WASHC5: variants seen among roughly 807,000 people sequenced by gnomAD.
WASHC5 encodes WASH complex subunit 5.
In WASHC5, 101 loss-of-function variants were observed where a neutral mutation model predicts 150.4. The observed-to-expected ratio is 0.67, with a 90% CI of 0.57 to 0.79. The LOEUF (loss-of-function observed/expected upper bound fraction) is 0.79. WASHC5 is among the 30% of genes least tolerant of loss of function. The probability of loss-of-function intolerance (pLI) is 0.00; values close to 1 mark genes in which losing one functional copy is unlikely to be tolerated. For missense variants in WASHC5, 1,195 were observed against 1,396.3 expected, an observed-to-expected ratio of 0.86 and a Z score of 2.30; for synonymous variants, 467 against 491.2, an observed-to-expected ratio of 0.95 and a Z score of 0.65.
At position 125,039,895 on chromosome 8, in the gene WASHC5, C is replaced by T; in HGVS notation, c.2854G>A (p.Gly952Arg). ...TAYLEAIMKV[G>R]QMQILRQQIA... ...TGTTGTCTCAGAATCTGCATCTGCC[C>T]AACCTGTGCACAAGCAAGAGAAAGA... Residue 952 changes from glycine to arginine, a missense_variant, in exon 24 of 29, where the codon GGG (glycine) becomes AGG (arginine). This residue lies in a region of WASHC5 where 997 missense variants were observed against 1,168.1 expected (regional missense o/e 0.85). Coordinates refer to ENST00000318410, the MANE Select transcript of WASHC5 (RefSeq NM_014846.4). 6.2e-7 allele frequency: 1 copy of T among 1,608,334 alleles called. No individual in the cohort carries two copies. The highest frequency in any genetic ancestry group is 8.5e-7 in the Non-Finnish European group (1 of 1,175,424).
At chr8:125,035,099 T>A (rs1815660399) in intron 26 of WASHC5, among the ~76,000 whole-genome samples, 1 of 152,240 alleles carries the variant, frequency 6.6e-6, no homozygotes, top group African/African-American at 2.4e-5. Context: ...TATGAGCAAC[T>A]GAATACCCAC....
intron 1 of WASHC5, among the ~76,000 whole-genome samples, chr8:125,087,478 T>C (rs1400077150): frequency 6.6e-6 from 1 of 152,156 alleles, no homozygotes; most frequent in Non-Finnish European, 1.5e-5. Context: ...CCTGTAATCC[T>C]AGTACTTTAG....
At position 125,032,258 on chromosome 8, in the gene WASHC5, C is replaced by T. The variant is rs777119395; in HGVS notation, c.3318G>A (p.Thr1106=). 26 of 1,613,916 alleles carry T rather than the reference C, an allele frequency of 1.6e-5. No individual in the cohort carries two copies. Among genetic ancestry groups the T allele is most frequent in the South Asian group, 8.8e-5 (8 of 91,074 alleles). The stretch of plus-strand genomic sequence containing the variant: ...TTCTGTACCTTGTACACTGCTCCAC[C>T]GTGGAGCAGATAAACTGGCCAATCA... The part of the protein sequence containing the change: ...LALIGQFICS[T]VEQCTSQKIP... Residue 1106 remains threonine, a synonymous_variant, in exon 27 of 29, where the codon ACG becomes ACA. Transcript: ENST00000318410.
intron 28 of WASHC5, among the ~76,000 whole-genome samples, chr8:125,025,954 C>T (rs1815370805): frequency 6.6e-6 from 1 of 152,032 alleles, no homozygotes; most frequent in Admixed American, 6.6e-5. Flanking sequence ...TAAACCTTTG[C>T]ACATATATCC....
chr8:125,084,024 T>C lies in WASHC5; in HGVS notation c.-124-2A>G. 1 of 863,376 alleles carries C rather than the reference T, an allele frequency of 1.2e-6. No homozygotes were observed. Among genetic ancestry groups the C allele is most frequent in the Non-Finnish European group, 1.9e-6 (1 of 532,888 alleles). The allele number at this position is 863,376 out of a possible 1,614,324, so 53.5% of individuals were successfully genotyped here. ...AGATTGGCTCCTCCATTAAAGAACC[T>C]GTATCCCCAAAAAAAGTGTGAAAAT... On this transcript the variant is annotated splice_acceptor_variant, in intron 1 of 28. Coordinates refer to ENST00000318410, the MANE Select transcript of WASHC5 (RefSeq NM_014846.4). LOFTEE classifies it low-confidence loss of function (5UTR_SPLICE).
chr8:125,042,495 T>G lies in WASHC5; in HGVS notation c.2850+1330A>C, dbSNP rs74864205. Among the ~76,000 whole-genome samples, 727 of 152,236 alleles carry G rather than the reference T, an allele frequency of 4.8e-3. 8 individuals carry two copies. The highest frequency in any genetic ancestry group is 0.017 in the African/African-American group (708 of 41,536). ...AAGACAAATTTGTCCTTTGGGGCTT[T>G]ATTTAAAGATCACTGACTCGGTCAC... On this transcript the variant is annotated intron_variant, in intron 23 of 28. Coordinates refer to ENST00000318410, the MANE Select transcript of WASHC5 (RefSeq NM_014846.4).
Position 125,047,155 on chromosome 8 carries a change from A to C in WASHC5, c.2504+52T>G. 3 of 1,609,890 alleles carry C rather than the reference A, an allele frequency of 1.9e-6. No individual in the cohort carries two copies. The South Asian group carries it at 3.3e-5, about 18-fold the overall frequency. On this transcript the variant is annotated intron_variant, in intron 20 of 28. Transcript: ENST00000318410. ...GGCTGTGCCACAGGGCCACAGATGC[A>C]GATGAGACTGCCTGCAGTATTCAGG...
chr8:125,087,137 A>C (rs1321642019), intron 1 of WASHC5, among the ~76,000 whole-genome samples: 3 of 152,356 alleles, frequency 2.0e-5, no homozygotes. Context: ...GAGGACTAAC[A>C]GTACAAGTTG....
At chr8:125,085,148 G>GA (rs898080945) in intron 1 of WASHC5, among the ~76,000 whole-genome samples, 3 of 151,642 alleles carry the variant, frequency 2.0e-5, no homozygotes, top group South Asian at 4.2e-4. Flanking sequence ...GAGCCCTGAA[G>GA]AAAAAAAATC....
At position 125,085,060 on chromosome 8, in the gene WASHC5, T is replaced by C. The variant is rs116932288; in HGVS notation, c.-124-1038A>G. On this transcript the variant is annotated intron_variant, in intron 1 of 28. Transcript: ENST00000318410. ...ACTCATTCCTTGGCACTGACAAGTATAAGGAGTGCATAAATAATACTAGGG... is the reference window on the plus strand; with the variant it reads ...ACTCATTCCTTGGCACTGACAAGTACAAGGAGTGCATAAATAATACTAGGG... 8.1e-4 allele frequency among the ~76,000 whole-genome samples: 123 copies of C among 152,310 alleles called. 1 individual carries two copies. The highest frequency in any genetic ancestry group is 2.9e-3 in the Admixed American group (45 of 15,296).
In WASHC5 at chr8:125,067,531, A is replaced by T. The variant is rs188090774; in HGVS notation, c.1278+61T>A. On this transcript the variant is annotated intron_variant, in intron 10 of 28. Coordinates refer to ENST00000318410, the MANE Select transcript of WASHC5 (RefSeq NM_014846.4). ...GCAAGCAATCCTAGTCTTTTTTTTA[A>T]AAAATATTTTTAAGCATAAAAAAGC... The T allele has an allele frequency of 4.7e-3, 6,679 of 1,420,444 alleles. 230 individuals are homozygous for T. The African/African-American group carries it at 0.085, about 18-fold the overall frequency. The allele number at this position is 1,420,444 out of a possible 1,614,324, so 88.0% of individuals were successfully genotyped here.
intron 26 of WASHC5, among the ~76,000 whole-genome samples, chr8:125,036,781 G>A (rs1296560200): frequency 6.6e-6 from 1 of 152,142 alleles, no homozygotes; most frequent in Admixed American, 6.6e-5. Context: ...AGGCCAAGGT[G>A]GGCGGATCAC....
intron 5 of WASHC5, among the ~76,000 whole-genome samples, chr8:125,079,185 C>CTTTTTTTTTTTTTTTTTTTT (rs34211379): frequency 1.7e-5 from 1 of 57,560 alleles, no homozygotes; most frequent in African/African-American, 7.9e-5. Flanking sequence ...TATATATAAC[C>CTTTTTTTTTTTTTTTTTTTT]TTTTTTTTTT....
rs150430170 is a variant in WASHC5, at chr8:125,073,296, C to G, written c.1007G>C (p.Arg336Thr). 1.0e-4 allele frequency: 164 copies of G among 1,614,014 alleles called. No individual in the cohort carries two copies. In the Middle Eastern group the frequency reaches 2.5e-3, roughly 24 times the overall value. ...AAATTGCTGCACTTGAGCATGCACT[C>G]TTTCACTGACAGTAGCATATCTGCT... ...QASRYATVSE[R>T]VHAQVQQFLK... The change falls in exon 9 of 29, where the codon AGA becomes ACA. Residue 336 changes from arginine (R) to threonine (T), a missense_variant. Physicochemically the swap from Arg to Thr is moderately conservative, Grantham distance 71 (BLOSUM62 -1). Around this residue, in one of 3 missense-constraint regions of WASHC5, gnomAD observed 997 missense variants for 1,168.1 expected, o/e 0.85. Transcript: ENST00000318410.
intron 27 of WASHC5, among the ~76,000 whole-genome samples, chr8:125,029,251 T>C (rs1421042549): frequency 6.6e-6 from 1 of 152,214 alleles, no homozygotes; most frequent in Non-Finnish European, 1.5e-5. Context: ...CAGGCTGGTC[T>C]TGAACTCCTG....
rs1046456835 is a variant in WASHC5 at position 125,060,981 on chromosome 8, T to TG, written c.1521+100dup. 1.3e-4 allele frequency: 92 copies of TG among 717,662 alleles called. No homozygotes were observed. The African/African-American group carries it at 1.5e-3, about 12-fold the overall frequency. The allele number at this position is 717,662 out of a possible 1,614,324, so 44.5% of individuals were successfully genotyped here. ...TAATTCACATCGCTTTTACTTCTGA[T>TG]GAAATAGTCTCTCAGCTATATTTAC... On this transcript the variant is annotated intron_variant, in intron 12 of 28. Coordinates refer to ENST00000318410, the MANE Select transcript of WASHC5 (RefSeq NM_014846.4).
chr8:125,087,783 G>A (rs1817464649), intron 1 of WASHC5, among the ~76,000 whole-genome samples: 1 of 151,216 alleles, frequency 6.6e-6, no homozygotes, highest in South Asian at 2.1e-4. Context: ...GGAGATTCTT[G>A]CTATTAAGAA....
Position 125,076,359 on chromosome 8 carries a change from G to A in WASHC5, c.853C>T (p.Pro285Ser), listed in dbSNP as rs899944829. Reference protein sequence around the residue: ...KMREIVDKYFPDNWVISIYMG... With the variant: ...KMREIVDKYFSDNWVISIYMG... ...TTAGCAATACTTGCCCAATTATCTG[G>A]AAAGTATTTATCCACTATCTCTCTC... Residue 285 changes from proline to serine, a missense_variant, in exon 7 of 29, where the codon CCA becomes TCA. Coordinates refer to ENST00000318410, the MANE Select transcript of WASHC5 (RefSeq NM_014846.4). 4 of 1,613,866 alleles carry A rather than the reference G, an allele frequency of 2.5e-6. No individual in the cohort carries two copies. In the South Asian group the frequency reaches 4.4e-5, roughly 18 times the overall value.
intron 23 of WASHC5, 117 bp downstream of exon 23, chr8:125,043,708 T>C: frequency 1.4e-6 from 1 of 727,576 alleles, no homozygotes; most frequent in East Asian, 2.7e-5. Context: ...TATTAAAATA[T>C]TTTTGATTTA....
Sources: gnomAD v4.1 joint callset for allele counts (sites outside exome capture counted in the v4.1 genomes callset) on GRCh38, gnomAD v4.1.1 for gene constraint, gnomAD v4.1.1 regional missense constraint, MANE v1.5 for transcripts, NCBI Gene and HGNC (gene_info 2026-07-23, HGNC 2026-07-21) for gene names.